SAMD4B: variants seen among roughly 807,000 people sequenced by gnomAD.
The protein encoded by SAMD4B is sterile alpha motif domain containing 4B.
Under a neutral mutation model 74.5 loss-of-function variants are expected in SAMD4B, and 5 were observed. The observed-to-expected ratio is 0.07, with a 90% CI of 0.04 to 0.14. SAMD4B has a LOEUF of 0.14. SAMD4B is among the 10% of genes least tolerant of loss of function. The pLI is 1.00. For missense variants in SAMD4B, 608 were observed against 921.8 expected (o/e 0.66, Z 4.41); for synonymous variants, 373 against 374.9 (o/e 1.00, Z 0.06).
Position 39,380,757 on chromosome 19 carries a change from G to A in SAMD4B, c.1820G>A (p.Ser607Asn). 3 of 1,574,594 alleles carry A rather than the reference G, an allele frequency of 1.9e-6. No individual in the cohort carries two copies. The highest frequency in any genetic ancestry group is 2.6e-6 in the Non-Finnish European group (3 of 1,159,416). Residue 607 changes from serine (S) to asparagine (N), a missense_variant, in exon 11 of 14, where the codon AGC (serine) becomes AAC (asparagine). Physicochemically the swap from Ser to Asn is conservative, Grantham distance 46. Coordinates refer to ENST00000610417, the MANE Select transcript of SAMD4B (RefSeq NM_001384574.2). ...GTCTCCCCTCGACATGCCCTCACCA[G>A]CCCCAGCCTTGGAGGCCAGGGCCGA... ...GGVSPRHALT[S>N]PSLGGQGRQN...
intron 1 of SAMD4B, among the ~76,000 whole-genome samples, chr19:39,349,363 A>C (rs2075888090): frequency 6.6e-6 from 1 of 152,158 alleles, no homozygotes; most frequent in African/African-American, 2.4e-5. Context: ...GTGTCAAGAC[A>C]TTTAGGAGTG....
At chr19:39,344,140 C>T (rs112378060) in intron 1 of SAMD4B, among the ~76,000 whole-genome samples, 11 of 151,218 alleles carry the variant, frequency 7.3e-5, no homozygotes, top group African/African-American at 2.7e-4. Context: ...CTAGAGATAT[C>T]CCTCCCTGAA....
intron 10 of SAMD4B, 42 bp downstream of exon 10, chr19:39,380,126 C>A (rs1331423288): frequency 1.4e-6 from 2 of 1,474,764 alleles, no homozygotes; most frequent in Non-Finnish European, 1.9e-6. Context: ...CCTCCATAGG[C>A]CTTTGCTGGT....
downstream of SAMD4B, chr19:39,385,812 G>T: frequency 1.1e-6 from 1 of 918,286 alleles, no homozygotes; most frequent in Non-Finnish European, 1.6e-6. Flanking sequence ...CGGGAGGTAT[G>T]TGCTGGGCTG....
At chr19:39,342,686 A>C in intron 1 of SAMD4B, 110 bp downstream of exon 1, 2 of 146,842 alleles carry the variant, frequency 1.4e-5, no homozygotes, top group African/African-American at 2.5e-5. Flanking sequence ...GGGACCCCGA[A>C]CCGCGGGCGG....
At chr19:39,386,309 G>T, downstream of SAMD4B, 1 of 1,614,022 alleles carries the variant, frequency 6.2e-7, no homozygotes, top group Non-Finnish European at 8.5e-7. This position sits in a 1 kb window ranked among gnomAD's most constrained non-coding sequence, Gnocchi z 6.1. Flanking sequence ...CACTGGCCTC[G>T]TCCCTGTCAC....
At chr19:39,353,891 C>G (rs2076196003) in intron 1 of SAMD4B, 115 bp from the exon 2 acceptor site, 1 of 152,168 alleles carries the variant, frequency 6.6e-6, no homozygotes, top group Non-Finnish European at 1.5e-5. Flanking sequence ...AGTGAGCCAC[C>G]ACACCTGGCC....
In SAMD4B at chr19:39,385,462, A is replaced by G; in HGVS notation, c.*1935A>G. On this transcript the variant is annotated 3_prime_UTR_variant, in exon 14 of 14. Transcript: ENST00000610417. Reference sequence around the variant, plus strand: ...CCTGACAGCAGAGTGTGCAGGACGCAGGCGGCCCCACTCTGATGGGCAGGA... The same window carrying G: ...CCTGACAGCAGAGTGTGCAGGACGCGGGCGGCCCCACTCTGATGGGCAGGA... The G allele has an allele frequency of 2.3e-6, 1 of 433,798 alleles. No individual in the cohort carries two copies. The allele number at this position is 433,798 out of a possible 1,614,324, so 26.9% of individuals were successfully genotyped here.
chr19:39,362,418 C>T (rs542750299), intron 3 of SAMD4B, among the ~76,000 whole-genome samples: 1 of 152,242 alleles, frequency 6.6e-6, no homozygotes, highest in Admixed American at 6.5e-5. Flanking sequence ...ATCGCTTCCT[C>T]TCAGGCAGCT....
chr19:39,380,127 C>A, intron 10 of SAMD4B, 43 bp downstream of exon 10: 2 of 1,472,906 alleles, frequency 1.4e-6, no homozygotes, highest in South Asian at 1.2e-5. Context: ...CTCCATAGGC[C>A]TTTGCTGGTT....
chr19:39,364,413 A>T (rs2076833633), intron 3 of SAMD4B, among the ~76,000 whole-genome samples: 2 of 152,204 alleles, frequency 1.3e-5, no homozygotes, highest in African/African-American at 4.8e-5. Flanking sequence ...AATGTTTACT[A>T]TGAGTACACT....
chr19:39,343,958 C>T lies in SAMD4B; in HGVS notation c.-267+1382C>T, dbSNP rs75562115. Among the ~76,000 whole-genome samples the T allele has an allele frequency of 8.0e-3, 1,175 of 146,546 alleles. 19 individuals carry two copies. Among genetic ancestry groups the T allele is most frequent in the African/African-American group, 0.03 (1,135 of 38,280 alleles). On this transcript the variant is annotated intron_variant, in intron 1 of 13. Coordinates refer to ENST00000610417, the MANE Select transcript of SAMD4B (RefSeq NM_001384574.2). Reference sequence around the variant, plus strand: ...AAGACCGTAAGATTCTCTTGGTGACCCCTCTGATATGCAGGTTTTCAGGAC... The same window carrying T: ...AAGACCGTAAGATTCTCTTGGTGACTCCTCTGATATGCAGGTTTTCAGGAC...
chr19:39,390,143 T>G, downstream of SAMD4B: 3 of 1,613,988 alleles, frequency 1.9e-6, no homozygotes, highest in Non-Finnish European at 2.5e-6. Flanking sequence ...AGTACTTGAC[T>G]CGGCAGACCA....
intron 1 of SAMD4B, among the ~76,000 whole-genome samples, chr19:39,353,581 G>A (rs1050951537): frequency 1.2e-4 from 18 of 151,870 alleles, no homozygotes; most frequent in Admixed American, 6.6e-5. Context: ...ATCAAACATT[G>A]TATATAGCTT....
Position 39,375,655 on chromosome 19 carries a change from C to T in SAMD4B, c.673C>T (p.Pro225Ser). 6.2e-7 allele frequency: 1 copy of T among 1,601,544 alleles called. No individual in the cohort carries two copies. The highest frequency in any genetic ancestry group is 8.6e-7 in the Non-Finnish European group (1 of 1,169,466). The change falls in exon 5 of 14, where the codon CCC (proline) becomes TCC (serine). Residue 225 changes from proline (P) to serine (S), a missense_variant. Around this residue, in one of 9 missense-constraint regions of SAMD4B, gnomAD observed 153 missense variants for 153.0 expected, o/e 1.00. Transcript: ENST00000610417. The surrounding 1 kb of genome is among the most constrained non-coding windows in gnomAD (Gnocchi z 4.1). ...TTTTCTCCCACTCTGGCCAGGTCTC[C>T]CCTGCCAAATCCACCCTAGCCCACT... ...SIGSNANTGL[P>S]CQIHPSPLKR...
chr19:39,373,740 T>G (rs2145746289), intron 4 of SAMD4B, among the ~76,000 whole-genome samples: 1 of 152,052 alleles, frequency 6.6e-6, no homozygotes, highest in African/African-American at 2.4e-5. Flanking sequence ...GGCAGGCGGA[T>G]CACCTGAGGT....
At chr19:39,388,212 G>T, downstream of SAMD4B, 1 of 877,476 alleles carries the variant, frequency 1.1e-6, no homozygotes, top group Non-Finnish European at 1.8e-6. Context: ...CCAGACATCT[G>T]CTGCTCTTGT....
chr19:39,361,382 C>T (rs1484962418), intron 3 of SAMD4B, among the ~76,000 whole-genome samples: 4 of 151,866 alleles, frequency 2.6e-5, no homozygotes, highest in African/African-American at 7.3e-5. Flanking sequence ...TTTGGGAGGC[C>T]GAGGCAGGCG....
intron 10 of SAMD4B, 98 bp from the exon 11 acceptor site, chr19:39,380,489 C>G: frequency 7.9e-7 from 1 of 1,265,594 alleles, no homozygotes; most frequent in African/African-American, 1.5e-5. Context: ...GGTTTATGTT[C>G]TCTCCTACAA....
Sources: allele counts gnomAD v4.1 joint callset (sites outside exome capture counted in the v4.1 genomes callset), GRCh38; gene constraint gnomAD v4.1.1; regional missense constraint gnomAD v4.1.1; non-coding constraint Gnocchi (gnomAD v3.1); transcripts MANE v1.5; gene names NCBI Gene and HGNC (gene_info 2026-07-23, HGNC 2026-07-21).